Variants in SLC39A11 observed in about 807,000 individuals in gnomAD.
SLC39A11 encodes zinc transporter ZIP11.
In SLC39A11, 33 loss-of-function variants were observed where a neutral mutation model predicts 36.1. The ratio of observed to expected loss-of-function variants is 0.91; its 90% CI spans 0.69 to 1.22. The LOEUF is 1.22. SLC39A11 is among the 50% of genes most tolerant of loss of function. SLC39A11 has a pLI of 0.00. For missense variants in SLC39A11, 432 were observed against 430.3 expected (o/e 1.00, Z -0.03); for synonymous variants, 166 against 170.3 (o/e 0.97, Z 0.20).
intron 3 of SLC39A11, among the ~76,000 whole-genome samples, chr17:73,050,325 A>G (rs1161539744): frequency 7.0e-6 from 1 of 143,476 alleles, no homozygotes; most frequent in African/African-American, 2.5e-5. Flanking sequence ...GTTTGTGGCA[A>G]AAAAAAAAAA....
At chr17:72,887,569 G>A (rs1288879624) in intron 5 of SLC39A11, among the ~76,000 whole-genome samples, 3 of 152,182 alleles carry the variant, frequency 2.0e-5, no homozygotes, top group East Asian at 1.9e-4. Flanking sequence ...CCGTCATAAC[G>A]AGAACAGTCG....
chr17:72,987,788 G>A (rs1339115404), intron 4 of SLC39A11, among the ~76,000 whole-genome samples: 1 of 151,994 alleles, frequency 6.6e-6, no homozygotes, highest in African/African-American at 2.4e-5. Context: ...GGTTGTTTTG[G>A]GAACAATCTC....
At chr17:72,978,498 A>T (rs1284505691) in intron 4 of SLC39A11, among the ~76,000 whole-genome samples, 1 of 152,182 alleles carries the variant, frequency 6.6e-6, no homozygotes, top group Non-Finnish European at 1.5e-5. Flanking sequence ...GGGGTCAGGG[A>T]GGAGCTTGGG....
intron 7 of SLC39A11, among the ~76,000 whole-genome samples, chr17:72,688,417 AC>A (rs377406658): frequency 3.6e-4 from 54 of 152,054 alleles, no homozygotes; most frequent in African/African-American, 1.2e-3. Flanking sequence ...ATGCTGGACA[AC>A]CCCCTCAGTC....
At chr17:72,871,056 G>GTTTTTTTTTTTTTTT (rs34776144) in intron 5 of SLC39A11, among the ~76,000 whole-genome samples, 2 of 124,308 alleles carry the variant, frequency 1.6e-5, no homozygotes, top group Non-Finnish European at 1.7e-5. Context: ...TTTTGTTTTT[G>GTTTTTTTTTTTTTTT]TTTTTTTTTT....
rs1041837171 is a variant in SLC39A11, at chr17:73,045,133, T to C, written c.148-13419A>G. On this transcript the variant is annotated intron_variant, in intron 3 of 9. Transcript: ENST00000255559. ...TAAAATGGCCTCTCTGGGGTAGCCT[T>C]GGGTACAGTCACTAAGTACCTGACA... Among the ~76,000 whole-genome samples the C allele has an allele frequency of 2.6e-5, 4 of 151,966 alleles. No individual in the cohort carries two copies. The East Asian group carries it at 7.7e-4, about 29-fold the overall frequency.
chr17:72,716,056 A>C (rs1198345297), intron 7 of SLC39A11, among the ~76,000 whole-genome samples: 2 of 151,976 alleles, frequency 1.3e-5, no homozygotes, highest in Non-Finnish European at 2.9e-5. Flanking sequence ...AGTGTGAAAA[A>C]ATACCTAACT....
In SLC39A11 at chr17:72,759,111, C is replaced by CAATAATAATAATAATAAT. The variant is rs201799463; in HGVS notation, c.602-22410_602-22393dup. Among the ~76,000 whole-genome samples the CAATAATAATAATAATAAT allele has an allele frequency of 9.7e-3, 1,407 of 144,584 alleles. 38 individuals carry two copies. Among genetic ancestry groups the CAATAATAATAATAATAAT allele is most frequent in the Admixed American group, 0.056 (823 of 14,670 alleles). 94.9% of individuals were successfully genotyped at this position (144,584 alleles called of 152,430 possible). On this transcript the variant is annotated intron_variant, in intron 6 of 9. Coordinates refer to ENST00000255559, the MANE Select transcript of SLC39A11 (RefSeq NM_139177.4). Reference sequence around the variant, plus strand: ...GTGAGATTTCATCTAAAAATAATAACAATAATAATAATAATAATAAATAAT... The same window carrying CAATAATAATAATAATAAT: ...GTGAGATTTCATCTAAAAATAATAACAATAATAATAATAATAATAATAATAATAATAATAATAAATAAT...
chr17:72,693,426 C>A (rs1451040709), intron 7 of SLC39A11, among the ~76,000 whole-genome samples: 2 of 152,238 alleles, frequency 1.3e-5, no homozygotes, highest in Non-Finnish European at 2.9e-5. Flanking sequence ...TTTAAACAGG[C>A]AGCTGCCTTG....
At chr17:72,983,269 C>T (rs1044128407) in intron 4 of SLC39A11, among the ~76,000 whole-genome samples, 1 of 152,128 alleles carries the variant, frequency 6.6e-6, no homozygotes, top group East Asian at 1.9e-4. Context: ...CCTGTCTCAG[C>T]CTCCTGAGGA....
At chr17:72,982,692 C>T (rs199945842) in intron 4 of SLC39A11, among the ~76,000 whole-genome samples, 1 of 147,114 alleles carries the variant, frequency 6.8e-6, no homozygotes, top group Admixed American at 6.8e-5. Context: ...GTTGCCAAGT[C>T]TTTTTTTTTT....
At chr17:72,981,448 A>G (rs572798455) in intron 4 of SLC39A11, among the ~76,000 whole-genome samples, 1 of 152,360 alleles carries the variant, frequency 6.6e-6, no homozygotes, top group South Asian at 2.1e-4. Context: ...GGATTATTCA[A>G]CAAATGGTAT....
intron 7 of SLC39A11, among the ~76,000 whole-genome samples, chr17:72,735,135 G>A (rs1056153223): frequency 6.6e-6 from 1 of 152,176 alleles, no homozygotes. Context: ...TTGGGAGTCT[G>A]AGAGGCAGGA....
chr17:72,693,036 T>A (rs1013705162), intron 7 of SLC39A11, among the ~76,000 whole-genome samples: 1 of 152,238 alleles, frequency 6.6e-6, no homozygotes, highest in Non-Finnish European at 1.5e-5. Flanking sequence ...AGGGGTTTTA[T>A]CGGATGCCAA....
intron 5 of SLC39A11, among the ~76,000 whole-genome samples, chr17:72,935,919 G>T (rs2084714749): frequency 6.6e-6 from 1 of 151,938 alleles, no homozygotes; most frequent in South Asian, 2.1e-4. Context: ...CATGAAGGCT[G>T]GGCACAGTGG....
At chr17:72,873,769 A>T (rs1187839162) in intron 5 of SLC39A11, among the ~76,000 whole-genome samples, 2 of 152,086 alleles carry the variant, frequency 1.3e-5, no homozygotes, top group Non-Finnish European at 2.9e-5. Flanking sequence ...TCGCTCCCAG[A>T]AACGGTTTGG....
chr17:72,850,868 C>A (rs938179776), intron 5 of SLC39A11, among the ~76,000 whole-genome samples: 1 of 152,078 alleles, frequency 6.6e-6, no homozygotes, highest in Admixed American at 6.5e-5. Context: ...TAATATGTGA[C>A]CCTGCTCTCC....
chr17:72,829,162 G>A (rs1024497310), intron 6 of SLC39A11, among the ~76,000 whole-genome samples: 6 of 151,890 alleles, frequency 4.0e-5, no homozygotes, highest in African/African-American at 1.5e-4. Flanking sequence ...CACCAGCCTG[G>A]GCAACATGGC....
chr17:72,672,213 CT>C (rs2071053437), intron 7 of SLC39A11, among the ~76,000 whole-genome samples: 1 of 152,212 alleles, frequency 6.6e-6, no homozygotes, highest in South Asian at 2.1e-4. Context: ...CTCTGGGAGG[CT>C]GAGGTGGGTG....
Sources: gnomAD v4.1 joint callset for allele counts (sites outside exome capture counted in the v4.1 genomes callset) on GRCh38, gnomAD v4.1.1 for gene constraint, MANE v1.5 for transcripts, NCBI Gene and HGNC (gene_info 2026-07-23, HGNC 2026-07-21) for gene names.